The following DENND1A variants were observed in gnomAD, a reference collection of about 807,000 sequenced individuals.
DENND1A encodes the protein DENN domain containing 1A.
Under a neutral mutation model 113.7 loss-of-function variants are expected in DENND1A, and 51 were observed. That is an observed-to-expected ratio of 0.45 (90% CI 0.36 to 0.57). The LOEUF is 0.57. DENND1A is among the 20% of genes least tolerant of loss of function. DENND1A has a pLI of 0.00. For missense variants in DENND1A, 1,258 were observed against 1,395.9 expected (o/e 0.90, Z 1.57); for synonymous variants, 565 against 570.8 (o/e 0.99, Z 0.14).
chr9:123,618,741 C>G (rs1469602992), intron 10 of DENND1A, among the ~76,000 whole-genome samples: 1 of 152,122 alleles, frequency 6.6e-6, no homozygotes. Context: ...TTCTTTAACC[C>G]TGAAAGTCTC....
At chr9:123,715,092 G>A (rs1377419953) in intron 5 of DENND1A, among the ~76,000 whole-genome samples, 1 of 151,960 alleles carries the variant, frequency 6.6e-6, no homozygotes, top group Non-Finnish European at 1.5e-5. Context: ...CTGAGAGAGG[G>A]AGAATTGCTT....
intron 2 of DENND1A, among the ~76,000 whole-genome samples, chr9:123,796,770 C>CACACAT (rs1303505603): frequency 1.0e-4 from 15 of 150,444 alleles, no homozygotes; most frequent in African/African-American, 2.7e-4. Context: ...CACACACACA[C>CACACAT]ACACACACAC....
chr9:123,561,657 G>C (rs975710517), intron 12 of DENND1A, among the ~76,000 whole-genome samples: 14 of 152,132 alleles, frequency 9.2e-5, no homozygotes, highest in African/African-American at 3.1e-4. Context: ...GGGGTAATTT[G>C]GGTGTGTTGT....
At chr9:123,930,126 TG>T (rs1857784153), upstream of DENND1A, 1 of 179,048 alleles carries the variant, frequency 5.6e-6, no homozygotes, top group Non-Finnish European at 1.1e-5. Flanking sequence ...CCGGCGCGCG[TG>T]CCCGGCGCGC....
chr9:123,679,755 G>A (rs761971221), intron 5 of DENND1A, among the ~76,000 whole-genome samples: 1 of 152,188 alleles, frequency 6.6e-6, no homozygotes, highest in Non-Finnish European at 1.5e-5. Flanking sequence ...TGCAGGTGAG[G>A]CTGCAGGGAC....
intron 8 of DENND1A, among the ~76,000 whole-genome samples, chr9:123,655,241 C>G (rs565003433): frequency 6.6e-6 from 1 of 152,120 alleles, no homozygotes; most frequent in Admixed American, 6.5e-5. Context: ...GTTTTTGCCA[C>G]GAGACGGGGT....
chr9:123,394,372 T>G (rs1013947087), intron 21 of DENND1A, among the ~76,000 whole-genome samples: 5 of 150,676 alleles, frequency 3.3e-5, no homozygotes, highest in African/African-American at 1.2e-4. Flanking sequence ...GGTGGGGAGT[T>G]CAAGAGAAGA....
intron 5 of DENND1A, among the ~76,000 whole-genome samples, chr9:123,755,343 C>T (rs2070442629): frequency 1.3e-5 from 2 of 151,804 alleles, no homozygotes; most frequent in African/African-American, 4.8e-5. Context: ...GGGGTTTTGC[C>T]ATGTGGGCCA....
At chr9:123,765,224 A>C (rs552179888) in intron 4 of DENND1A, among the ~76,000 whole-genome samples, 1 of 152,242 alleles carries the variant, frequency 6.6e-6, no homozygotes, top group Admixed American at 6.5e-5. Flanking sequence ...AAAACAGGGA[A>C]AGTATGGTGG....
chr9:123,746,264 A>G (rs1214043988), intron 5 of DENND1A, among the ~76,000 whole-genome samples: 2 of 152,218 alleles, frequency 1.3e-5, no homozygotes, highest in Non-Finnish European at 2.9e-5. Context: ...TTACTGTTTT[A>G]TTTAATCTTT....
intron 5 of DENND1A, among the ~76,000 whole-genome samples, chr9:123,677,767 A>G (rs538445220): frequency 9.4e-4 from 143 of 152,310 alleles, no homozygotes; most frequent in African/African-American, 3.3e-3. Context: ...GCAAATCTCC[A>G]TCGCACATTG....
At chr9:123,537,897 C>G (rs1459911000) in intron 13 of DENND1A, among the ~76,000 whole-genome samples, 2 of 152,124 alleles carry the variant, frequency 1.3e-5, no homozygotes, top group Non-Finnish European at 2.9e-5. Flanking sequence ...AGGAACTTTC[C>G]TAGGGGATTT....
At chr9:123,652,280 T>A (rs1025744609) in intron 8 of DENND1A, 157 bp from the exon 9 acceptor site, 1 of 604,566 alleles carries the variant, frequency 1.7e-6, no homozygotes, top group African/African-American at 1.9e-5. Flanking sequence ...TCCCCACATG[T>A]GTAAAATCAT....
chr9:123,722,627 G>A (rs886322802), intron 5 of DENND1A, among the ~76,000 whole-genome samples: 10 of 152,166 alleles, frequency 6.6e-5, no homozygotes, highest in African/African-American at 1.7e-4. Flanking sequence ...TGACTACAAG[G>A]GTCCAAAGTA....
At chr9:123,610,228 GTA>G (rs1170287490) in intron 10 of DENND1A, among the ~76,000 whole-genome samples, 1 of 152,232 alleles carries the variant, frequency 6.6e-6, no homozygotes, top group East Asian at 1.9e-4. Flanking sequence ...GGGTCGGTGT[GTA>G]TGTGTGTGTG....
At chr9:123,825,525 A>T (rs1295786663) in intron 2 of DENND1A, among the ~76,000 whole-genome samples, 2 of 152,186 alleles carry the variant, frequency 1.3e-5, no homozygotes, top group Non-Finnish European at 2.9e-5. Flanking sequence ...CAATCCTACC[A>T]CCAGGACTAG....
chr9:123,707,377 A>G (rs2066291850), intron 5 of DENND1A, among the ~76,000 whole-genome samples: 1 of 151,646 alleles, frequency 6.6e-6, no homozygotes, highest in East Asian at 1.9e-4. Context: ...CTGGGGAACA[A>G]GAGCGTTAAC....
At chr9:123,621,014 C>T (rs554999901) in intron 10 of DENND1A, among the ~76,000 whole-genome samples, 2 of 152,244 alleles carry the variant, frequency 1.3e-5, no homozygotes, top group Non-Finnish European at 2.9e-5. Context: ...ATGGCAATGA[C>T]ATACAACTTT....
At chr9:123,909,692 C>G (rs1452933481) in intron 1 of DENND1A, among the ~76,000 whole-genome samples, 1 of 151,810 alleles carries the variant, frequency 6.6e-6, no homozygotes, top group South Asian at 2.1e-4. Flanking sequence ...AGAGGTCTTA[C>G]CCAGTGAAAT....
Sources: allele counts gnomAD v4.1 joint callset (sites outside exome capture counted in the v4.1 genomes callset), GRCh38; gene constraint gnomAD v4.1.1; transcripts MANE v1.5; gene names NCBI Gene and HGNC (gene_info 2026-07-23, HGNC 2026-07-21).